TCERG1: variants seen among roughly 807,000 people sequenced by gnomAD.
TCERG1 encodes the protein TATA box binding protein (TBP)-associated factor, RNA polymerase II, S, 150kD.
A neutral mutation model predicts 144.7 loss-of-function variants in TCERG1; 37 were observed. The ratio of observed to expected loss-of-function variants is 0.26; its 90% CI spans 0.20 to 0.34. The LOEUF is 0.34. Ranked by LOEUF, TCERG1 falls within the 10% of genes least tolerant of loss-of-function variation. The pLI, the probability that TCERG1 is intolerant of heterozygous loss-of-function variation, is 1.00. For synonymous variants in TCERG1, 492 were observed against 458.2 expected, an observed-to-expected ratio of 1.07 and a Z score of -0.94; for missense variants, 1,027 against 1,380.7, an observed-to-expected ratio of 0.74 and a Z score of 4.06.
In TCERG1 at chr5:146,459,067, C is replaced by T; in HGVS notation, c.622C>T (p.Gln208Ter). 6.3e-7 allele frequency: 1 copy of T among 1,597,140 alleles called. No homozygotes were observed. Residue 208 changes from glutamine to a stop codon, truncating the protein, a stop_gained, in exon 4 of 23, where the codon CAG becomes TAG. Coordinates refer to ENST00000679501, the MANE Select transcript of TCERG1 (RefSeq NM_001382548.1). LOFTEE classifies it high-confidence loss of function. ...CCAGGCACAAGCTCAGGCCCAGGCTCAGGCTCAGGCCCAGGCCCAGGCCCA... is the reference window on the plus strand; with the variant it reads ...CCAGGCACAAGCTCAGGCCCAGGCTTAGGCTCAGGCCCAGGCCCAGGCCCA... ...QAQAQAQAQA[Q>*]AQAQAQAQAQ...
intron 22 of TCERG1, 93 bp from the exon 23 acceptor site, chr5:146,510,348 C>T: frequency 1.6e-6 from 1 of 620,430 alleles, no homozygotes; most frequent in African/African-American, 2.0e-5. Flanking sequence ...AAAATGGAAA[C>T]ACAATTAGGA....
chr5:146,493,596 T>C (rs773008601), intron 16 of TCERG1, among the ~76,000 whole-genome samples: 6 of 152,134 alleles, frequency 3.9e-5, no homozygotes, highest in Non-Finnish European at 8.8e-5. Context: ...TATGCATTTA[T>C]ACATTTACAT....
rs1346626008 is a variant in TCERG1, at chr5:146,507,358, G to C, written c.2961+151G>C. On this transcript the variant is annotated intron_variant, in intron 20 of 22. Coordinates refer to ENST00000679501, the MANE Select transcript of TCERG1 (RefSeq NM_001382548.1). The surrounding 1 kb of genome is among the most constrained non-coding windows in gnomAD (Gnocchi z 4.6). ...CAATTCTCTGATTTTAAAAAATTAT[G>C]GTATTCTTATTTATTTAGAAATGCC... The C allele has an allele frequency of 1.4e-6, 1 of 695,782 alleles. No individual in the cohort carries two copies. The highest frequency in any genetic ancestry group is 2.1e-5 in the African/African-American group (1 of 47,296). The allele number at this position is 695,782 out of a possible 1,614,324, so 43.1% of individuals were successfully genotyped here. A position where few individuals can be genotyped will look rare whatever the true frequency, so the allele number is the denominator to read the frequency against.
At chr5:146,473,423 T>C (rs1371360410) in intron 9 of TCERG1, among the ~76,000 whole-genome samples, 2 of 152,210 alleles carry the variant, frequency 1.3e-5, no homozygotes, top group African/African-American at 4.8e-5. Context: ...CAGCACGTGC[T>C]GATGTAGAAG....
rs114432149 is a variant in TCERG1, at chr5:146,497,837, C to A, written c.2283-699C>A. ...TTTAATACTACTGACTCTCTGTTATCTCTTCTATGCTCTTAACCCTGTAGT... is the reference window on the plus strand; with the variant it reads ...TTTAATACTACTGACTCTCTGTTATATCTTCTATGCTCTTAACCCTGTAGT... On this transcript the variant is annotated intron_variant, in intron 16 of 22. Transcript: ENST00000679501. Among the ~76,000 whole-genome samples the A allele has an allele frequency of 2.3e-3, 347 of 152,266 alleles. 1 individual carries two copies. Among genetic ancestry groups the A allele is most frequent in the African/African-American group, 7.7e-3 (318 of 41,534 alleles).
chr5:146,509,400 A>AGGG (rs1288886623), intron 22 of TCERG1, among the ~76,000 whole-genome samples, 155 bp downstream of exon 22: 2 of 149,702 alleles, frequency 1.3e-5, no homozygotes, highest in Admixed American at 1.3e-4. Context: ...AATACAGCCC[A>AGGG]TATCTACCAT....
At chr5:146,491,204 C>T (rs1766385942) in intron 15 of TCERG1, among the ~76,000 whole-genome samples, 2 of 151,238 alleles carry the variant, frequency 1.3e-5, no homozygotes, top group African/African-American at 4.9e-5. Flanking sequence ...CCAGGCTGGT[C>T]TTGAACTCCT....
At chr5:146,503,269 T>C (rs1767648071) in intron 17 of TCERG1, 106 bp from the exon 18 acceptor site, 1 of 1,006,774 alleles carries the variant, frequency 9.9e-7, no homozygotes, top group Non-Finnish European at 1.4e-6. Flanking sequence ...TATTCTCATA[T>C]TTAAGGTAGG....
intron 8 of TCERG1, 105 bp from the exon 9 acceptor site, chr5:146,471,383 C>A: frequency 1.0e-6 from 1 of 953,642 alleles, no homozygotes; most frequent in Non-Finnish European, 1.5e-6. Context: ...ATTCTAGCAG[C>A]AGATTTTGTG....
At chr5:146,473,301 G>A (rs1764522911) in intron 9 of TCERG1, among the ~76,000 whole-genome samples, 1 of 152,170 alleles carries the variant, frequency 6.6e-6, no homozygotes, top group Non-Finnish European at 1.5e-5. Flanking sequence ...CCTCAGTTCT[G>A]TGAAGGCTGA....
chr5:146,482,434 T>C (rs1765441396), intron 13 of TCERG1, 158 bp from the exon 14 acceptor site: 1 of 518,282 alleles, frequency 1.9e-6, no homozygotes, highest in Admixed American at 3.8e-5. Context: ...AAGTTATTTA[T>C]CCCTTAGAGT....
chr5:146,459,964 A>G (rs1233804206), intron 4 of TCERG1, among the ~76,000 whole-genome samples: 1 of 152,170 alleles, frequency 6.6e-6, no homozygotes, highest in Non-Finnish European at 1.5e-5. Flanking sequence ...CTAGGCAAAT[A>G]GGTGAGACAG....
rs184795060 is a variant in TCERG1, at chr5:146,500,103, C to T, written c.2433+1417C>T. On this transcript the variant is annotated intron_variant, in intron 17 of 22. Coordinates refer to ENST00000679501, the MANE Select transcript of TCERG1 (RefSeq NM_001382548.1). ...TAAATCTAATATTTAATATATTCAG[C>T]TTTATTTTATTTTGGCTATAAAAAT... The T allele has an allele frequency of 5.9e-3, 895 of 151,128 alleles. 12 individuals carry two copies. The highest frequency in any genetic ancestry group is 0.02 in the African/African-American group (814 of 41,118). 9.4% of individuals were successfully genotyped at this position (151,128 alleles called of 1,614,324 possible). A position where few individuals can be genotyped will look rare whatever the true frequency, so the allele number is the denominator to read the frequency against.
intron 8 of TCERG1, 40 bp from the exon 9 acceptor site, chr5:146,471,448 G>T: frequency 6.4e-7 from 1 of 1,565,524 alleles, no homozygotes; most frequent in Non-Finnish European, 8.7e-7. Flanking sequence ...TTCAGGTATT[G>T]TTAATGTGAT....
chr5:146,493,081 TCTCC>T lies in TCERG1; in HGVS notation c.2282+44_2282+47del, dbSNP rs748781901. 44 of 1,303,548 alleles carry T rather than the reference TCTCC, an allele frequency of 3.4e-5. No homozygotes were observed. In the Middle Eastern group the frequency reaches 6.1e-4, roughly 18 times the overall value. 80.7% of individuals were successfully genotyped at this position (1,303,548 alleles called of 1,614,324 possible). On this transcript the variant is annotated intron_variant, in intron 16 of 22. Coordinates refer to ENST00000679501, the MANE Select transcript of TCERG1 (RefSeq NM_001382548.1). ...CTTAAATATCAAAGTGTATTTATTT[TCTCC>T]TAAGATCAGTTTTTAAAAATTAAAA...
In TCERG1 at chr5:146,455,221, T is replaced by C. The variant is rs183276822; in HGVS notation, c.225T>C (p.Asn75=). 9 of 1,614,198 alleles carry C rather than the reference T, an allele frequency of 5.6e-6. No individual in the cohort carries two copies. In the East Asian group the frequency reaches 2.0e-4, roughly 36 times the overall value. ...PPFGRPPFDP[N]MPPMPPPGGI... ...TTGGACGTCCTCCTTTTGATCCTAATATGCCGCCAATGCCTCCTCCAGGAG... is the reference window on the plus strand; with the variant it reads ...TTGGACGTCCTCCTTTTGATCCTAACATGCCGCCAATGCCTCCTCCAGGAG... The change falls in exon 2 of 23, where the codon AAT becomes AAC. Residue 75 remains asparagine (N), a synonymous_variant. Transcript: ENST00000679501.
chr5:146,488,530 TCTCA>T (rs1365008728), intron 15 of TCERG1, among the ~76,000 whole-genome samples: 48 of 152,102 alleles, frequency 3.2e-4, no homozygotes, highest in African/African-American at 1.1e-3. Flanking sequence ...CAGTGAGGTG[TCTCA>T]CTCAGTTAGG....
chr5:146,493,757 A>G (rs939864609), intron 16 of TCERG1, among the ~76,000 whole-genome samples: 12 of 152,072 alleles, frequency 7.9e-5, no homozygotes, highest in African/African-American at 2.2e-4. Context: ...TGGGATTTCA[A>G]TTAGATTTCA....
chr5:146,493,087 A>G lies in TCERG1; in HGVS notation c.2282+49A>G, dbSNP rs376523490. 4.0e-4 allele frequency: 515 copies of G among 1,286,510 alleles called. 1 individual carries two copies. The Middle Eastern group carries it at 4.0e-3, about 10-fold the overall frequency. 79.7% of individuals were successfully genotyped at this position (1,286,510 alleles called of 1,614,324 possible). A position where few individuals can be genotyped will look rare whatever the true frequency, so the allele number is the denominator to read the frequency against. On this transcript the variant is annotated intron_variant, in intron 16 of 22. Coordinates refer to ENST00000679501, the MANE Select transcript of TCERG1 (RefSeq NM_001382548.1). Reference sequence around the variant, plus strand: ...TATCAAAGTGTATTTATTTTCTCCTAAGATCAGTTTTTAAAAATTAAAAAA... The same window carrying G: ...TATCAAAGTGTATTTATTTTCTCCTGAGATCAGTTTTTAAAAATTAAAAAA...
Sources: gnomAD v4.1 joint callset for allele counts (sites outside exome capture counted in the v4.1 genomes callset) on GRCh38, gnomAD v4.1.1 for gene constraint, Gnocchi (gnomAD v3.1) non-coding constraint, MANE v1.5 for transcripts, NCBI Gene and HGNC (gene_info 2026-07-23, HGNC 2026-07-21) for gene names.